The following CHTOP variants were observed in gnomAD, a reference collection of about 807,000 sequenced individuals.
CHTOP encodes the protein chromatin target of PRMT1 protein.
In CHTOP, 18 loss-of-function variants were observed where a neutral mutation model predicts 33.6. The observed-to-expected ratio is 0.54, with a 90% CI of 0.37 to 0.80. The LOEUF is 0.80. Among genes scored for constraint, CHTOP ranks in the 30% least tolerant of loss-of-function variants. The pLI is 0.00. For synonymous variants in CHTOP, 117 were observed against 127.7 expected, an observed-to-expected ratio of 0.92 and a Z score of 0.56; for missense variants, 263 against 336.8, an observed-to-expected ratio of 0.78 and a Z score of 1.71.
At chr1:153,643,470 T>TC (rs1668698812) in intron 5 of CHTOP, 106 bp downstream of exon 5, 4 of 1,151,594 alleles carry the variant, frequency 3.5e-6, no homozygotes, top group South Asian at 4.7e-5. Flanking sequence ...GGCTTCTTTG[T>TC]TTGTCTTGTT....
rs1668796434 is a variant in CHTOP, at chr1:153,645,632, T to C, written c.*363T>C. ...ATATGCTCTGACATGCTAACATTTC[T>C]TTTGTTCATCCCTGTTGCCCCCACA... On this transcript the variant is annotated 3_prime_UTR_variant, in exon 6 of 6. Transcript: ENST00000368694. 8.8e-6 allele frequency: 2 copies of C among 226,254 alleles called. No individual in the cohort carries two copies. 14.0% of individuals were successfully genotyped at this position (226,254 alleles called of 1,614,324 possible). A position where few individuals can be genotyped will look rare whatever the true frequency, so the allele number is the denominator to read the frequency against.
Position 153,642,333 on chromosome 1 carries a change from C to G in CHTOP, c.307C>G (p.Arg103Gly). ...GALARGAIGG[R>G]GLPIIQRGLP... ...CCTGGCCAGGGGAGCAATCGGAGGACGAGGCCTACCCATAATCCAGAGAGG... is the reference window on the plus strand; with the variant it reads ...CCTGGCCAGGGGAGCAATCGGAGGAGGAGGCCTACCCATAATCCAGAGAGG... Residue 103 changes from arginine to glycine, a missense_variant, in exon 4 of 6, where the codon CGA (arginine) becomes GGA (glycine). Physicochemically the swap from Arg to Gly is moderately radical, Grantham distance 125. Transcript: ENST00000368694. 6.2e-7 allele frequency: 1 copy of G among 1,614,138 alleles called. No individual in the cohort carries two copies. Among genetic ancestry groups the G allele is most frequent in the Non-Finnish European group, 8.5e-7 (1 of 1,179,998 alleles).
At chr1:153,638,518 A>G (rs866909472) in intron 3 of CHTOP, 70 bp downstream of exon 3, 2 of 1,560,832 alleles carry the variant, frequency 1.3e-6, no homozygotes, top group Middle Eastern at 1.7e-4. Context: ...TGAGGCTGTC[A>G]GGACGTGATG....
intron 1 of CHTOP, 30 bp from the exon 2 acceptor site, chr1:153,636,542 T>C: frequency 1.3e-6 from 2 of 1,570,580 alleles, no homozygotes; most frequent in African/African-American, 1.3e-5. Context: ...ACTATTGTGA[T>C]TTGCTCATTT....
Position 153,638,351 on chromosome 1 carries a change from T to TGCA in CHTOP, c.126_128dup (p.Gln46dup), listed in dbSNP as rs1668488520. The TGCA allele has an allele frequency of 6.2e-7, 1 of 1,614,248 alleles. No individual in the cohort carries two copies. Among genetic ancestry groups the TGCA allele is most frequent in the Non-Finnish European group, 8.5e-7 (1 of 1,180,040 alleles). Reference sequence around the variant, plus strand: ...ACGCCAGTGAATATTCGGGCTTCGATGCAGCAACAACAGCAGCTAGCCAGT... The same window carrying TGCA: ...ACGCCAGTGAATATTCGGGCTTCGATGCAGCAGCAACAACAGCAGCTAGCCAGT... On this transcript the variant is annotated inframe_insertion, in exon 3 of 6. Coordinates refer to ENST00000368694, the MANE Select transcript of CHTOP (RefSeq NM_015607.4).
At chr1:153,639,329 T>G (rs1668530250) in intron 3 of CHTOP, 1 of 531,628 alleles carries the variant, frequency 1.9e-6, no homozygotes, top group Non-Finnish European at 2.4e-6. Context: ...GATAATCCTA[T>G]TCAGACCTGA....
chr1:153,638,485 GTGA>G, intron 3 of CHTOP, 37 bp downstream of exon 3: 1 of 1,613,108 alleles, frequency 6.2e-7, no homozygotes, highest in Non-Finnish European at 8.5e-7. Flanking sequence ...GAAGCAGCTG[GTGA>G]TCTCTGTGAG....
chr1:153,640,954 T>G (rs184375429), intron 3 of CHTOP, among the ~76,000 whole-genome samples: 1 of 152,198 alleles, frequency 6.6e-6, no homozygotes, highest in Admixed American at 6.5e-5. Flanking sequence ...TACAGTTCTT[T>G]TAAAGCACAA....
chr1:153,636,121 G>A (rs1277020122), intron 1 of CHTOP, among the ~76,000 whole-genome samples: 7 of 149,280 alleles, frequency 4.7e-5, no homozygotes, highest in Non-Finnish European at 1.0e-4. Context: ...TAGAGACTGG[G>A]TCTCGCTTTG....
Position 153,636,568 on chromosome 1 carries a change from G to A in CHTOP, c.-17-4G>A, listed in dbSNP as rs374746546. 1.8e-4 allele frequency: 291 copies of A among 1,610,184 alleles called. No homozygotes were observed. Among genetic ancestry groups the A allele is most frequent in the Non-Finnish European group, 2.4e-4 (281 of 1,176,932 alleles). ...TTGCTCATTTTACGTATTGTTCTTT[G>A]TAGATTCTCGGGATTCGAAGATGGC... On this transcript the variant is annotated splice_region_variant and splice_polypyrimidine_tract_variant and intron_variant, in intron 1 of 5. Coordinates refer to ENST00000368694, the MANE Select transcript of CHTOP (RefSeq NM_015607.4).
At chr1:153,638,633 G>C (rs1668499119) in intron 3 of CHTOP, 185 bp downstream of exon 3, 2 of 649,984 alleles carry the variant, frequency 3.1e-6, no homozygotes, top group East Asian at 2.8e-5. Context: ...ACTTTTTACT[G>C]TCTTTCTCTT....
intron 1 of CHTOP, among the ~76,000 whole-genome samples, chr1:153,636,148 C>CT (rs1360385710): frequency 2.0e-5 from 3 of 149,484 alleles, no homozygotes; most frequent in African/African-American, 4.9e-5. Context: ...AGGCTGGTCT[C>CT]TAACTCCTGG....
At chr1:153,642,909 G>C (rs1668679139) in intron 4 of CHTOP, 1 of 362,450 alleles carries the variant, frequency 2.8e-6, no homozygotes, top group African/African-American at 2.2e-5. Context: ...AGAATCTGTT[G>C]AGATCAGGAA....
At chr1:153,634,535 A>C (rs1036535826) in intron 1 of CHTOP, 192 bp downstream of exon 1, 2 of 123,478 alleles carry the variant, frequency 1.6e-5, no homozygotes, top group African/African-American at 6.1e-5. Context: ...GGCGGGATTG[A>C]TGGAGGTTGG....
At position 153,643,290 on chromosome 1, in the gene CHTOP, T is replaced by G. The variant is rs755790889; in HGVS notation, c.467T>G (p.Val156Gly). ...APRMGLRRGG[V>G]RGRGGPGRGG... ...CGAATGGGCTTAAGAAGAGGTGGTG[T>G]TCGAGGTCGTGGAGGTCCTGGGAGA... is the stretch of plus-strand genomic sequence containing the variant. The change falls in exon 5 of 6, where the codon GTT becomes GGT. Residue 156 changes from valine to glycine, a missense_variant. Val to Gly is a moderately radical substitution (Grantham distance 109). Coordinates refer to ENST00000368694, the MANE Select transcript of CHTOP (RefSeq NM_015607.4). 4.5e-5 allele frequency: 73 copies of G among 1,613,788 alleles called. No homozygotes were observed. The highest frequency in any genetic ancestry group is 1.6e-4 in the Middle Eastern group (1 of 6,082).
intron 2 of CHTOP, chr1:153,637,620 C>G (rs1668455881): frequency 6.6e-6 from 1 of 152,410 alleles, no homozygotes; most frequent in African/African-American, 2.4e-5. Context: ...TGCACTCCAG[C>G]CAGGGCAACA....
chr1:153,639,181 G>A (rs765113185), intron 3 of CHTOP, among the ~76,000 whole-genome samples: 7 of 152,226 alleles, frequency 4.6e-5, no homozygotes, highest in South Asian at 4.1e-4. Flanking sequence ...GCGCCCAGCA[G>A]TCAAAGGTTT....
chr1:153,640,513 C>T (rs1190788068), intron 3 of CHTOP, among the ~76,000 whole-genome samples: 1 of 150,384 alleles, frequency 6.6e-6, no homozygotes, highest in African/African-American at 2.5e-5. Flanking sequence ...GGTATGGTGG[C>T]TCACACTTGT....
chr1:153,638,220 A>G, intron 2 of CHTOP, 75 bp from the exon 3 acceptor site: 1 of 1,536,284 alleles, frequency 6.5e-7, no homozygotes, highest in Non-Finnish European at 9.0e-7. Context: ...CTCCTGGTCT[A>G]GCAAGCCATG....
Sources: allele counts gnomAD v4.1 joint callset (sites outside exome capture counted in the v4.1 genomes callset), GRCh38; gene constraint gnomAD v4.1.1; transcripts MANE v1.5; gene names NCBI Gene and HGNC (gene_info 2026-07-23, HGNC 2026-07-21).